The following CANX variants were observed in gnomAD, a reference collection of about 807,000 sequenced individuals.
The protein encoded by CANX is calnexin.
CANX carries 14 observed loss-of-function variants against 75.7 expected under a neutral mutation model. The observed-to-expected ratio is 0.19, with a 90% CI of 0.12 to 0.29. CANX has a LOEUF of 0.29. Among genes scored for constraint, CANX ranks in the 10% least tolerant of loss-of-function variants. The pLI is 1.00. For missense variants in CANX, 567 were observed against 713.2 expected (o/e 0.79, Z 2.34); for synonymous variants, 227 against 236.9 (o/e 0.96, Z 0.38).
In CANX at chr5:179,688,089, C is replaced by T. The variant is rs551507664; in HGVS notation, c.-4+9312C>T. Among the ~76,000 whole-genome samples, 38 of 147,836 alleles carry T rather than the reference C, an allele frequency of 2.6e-4. No homozygotes were observed. The South Asian group carries it at 4.5e-3, about 18-fold the overall frequency. ...TTTTTTTTTTTTTAAGATGGAGTGT[C>T]GCTCTGTTGCCAGGCTGGAGTGCAG... On this transcript the variant is annotated intron_variant, in intron 1 of 14. Coordinates refer to the CANX transcript ENST00000681674.
At chr5:179,681,117 G>C (rs1776053026) in intron 1 of CANX, 1 of 578,126 alleles carries the variant, frequency 1.7e-6, no homozygotes, top group Non-Finnish European at 3.2e-6. Context: ...AGGACAAGAA[G>C]GGGTGCTGAC....
upstream of CANX, among the ~76,000 whole-genome samples, chr5:179,696,559 A>G (rs1030941195): frequency 2.0e-5 from 3 of 152,168 alleles, no homozygotes; most frequent in African/African-American, 7.2e-5. Flanking sequence ...TACAGGCGTG[A>G]GCCACTGTGC....
intron 13 of CANX, among the ~76,000 whole-genome samples, chr5:179,726,168 A>G (rs867866859): frequency 6.6e-6 from 1 of 151,232 alleles, no homozygotes; most frequent in Non-Finnish European, 1.5e-5. Flanking sequence ...GGCACCTGTA[A>G]TCCCGGCTAC....
At chr5:179,707,962 G>A (rs1051554078) in intron 4 of CANX, among the ~76,000 whole-genome samples, 2 of 152,082 alleles carry the variant, frequency 1.3e-5, no homozygotes, top group Middle Eastern at 3.4e-3. Flanking sequence ...TCAGCCTACC[G>A]AGTAGTTGGG....
At chr5:179,679,202 G>A in intron 1 of CANX, 1 of 1,534,694 alleles carries the variant, frequency 6.5e-7, no homozygotes. Flanking sequence ...CTGGCGACTC[G>A]TGCTGCGCTC....
chr5:179,730,987 G>A lies in CANX; in HGVS notation c.*2343G>A, dbSNP rs983792658. 6.6e-6 allele frequency: 1 copy of A among 152,202 alleles called. No individual in the cohort carries two copies. The highest frequency in any genetic ancestry group is 2.4e-5 in the African/African-American group (1 of 41,460). 9.4% of individuals were successfully genotyped at this position (152,202 alleles called of 1,614,324 possible). A position where few individuals can be genotyped will look rare whatever the true frequency, so the allele number is the denominator to read the frequency against. On this transcript the variant is annotated 3_prime_UTR_variant, in exon 15 of 15. Coordinates refer to ENST00000247461, the MANE Select transcript of CANX (RefSeq NM_001746.4). ...GTGTGTGTGTGACTATGTTCAATTA[G>A]TGGGTTGATCTTCGTATAATTGGCC... is the stretch of plus-strand genomic sequence containing the variant.
chr5:179,709,703 G>C, intron 6 of CANX, 170 bp from the exon 7 acceptor site: 1 of 484,134 alleles, frequency 2.1e-6, no homozygotes, highest in Non-Finnish European at 3.6e-6. Flanking sequence ...TAAATTTACT[G>C]ATGATTGCTG....
chr5:179,679,275 A>AAG, intron 1 of CANX: 1 of 1,516,118 alleles, frequency 6.6e-7, no homozygotes, highest in African/African-American at 1.4e-5. Context: ...GCTGGGAGAC[A>AAG]AGAGTCCGGG....
At chr5:179,728,212 C>T (rs977758817) in intron 14 of CANX, among the ~76,000 whole-genome samples, 3 of 152,178 alleles carry the variant, frequency 2.0e-5, no homozygotes, top group Non-Finnish European at 4.4e-5. Context: ...AGTCAGTCTA[C>T]TTGGATAGCC....
Position 179,723,763 on chromosome 5 carries a change from TCTG to T in CANX, c.1506_1508del (p.Cys503del). 6.2e-7 allele frequency: 1 copy of T among 1,610,738 alleles called. No individual in the cohort carries two copies. Among genetic ancestry groups the T allele is most frequent in the Non-Finnish European group, 8.5e-7 (1 of 1,178,770 alleles). ...CTTCCTGTGTTCCTGGTTATCCTCT[TCTG>T]CTGTTCTGGAAAGGTAGGAAGTTTT... On this transcript the variant is annotated inframe_deletion, in exon 12 of 15. Coordinates refer to ENST00000247461, the MANE Select transcript of CANX (RefSeq NM_001746.4).
At chr5:179,689,387 T>TTTTTTG (rs1445638165) in intron 1 of CANX, among the ~76,000 whole-genome samples, 4 of 142,650 alleles carry the variant, frequency 2.8e-5, no homozygotes, top group African/African-American at 7.7e-5. Context: ...AAGTTTTTTT[T>TTTTTTG]TTTTTTTTTT....
At chr5:179,708,410 T>C (rs1366741994) in intron 5 of CANX, 30 bp downstream of exon 5, 13 of 1,599,770 alleles carry the variant, frequency 8.1e-6, no homozygotes, top group Non-Finnish European at 1.1e-5. Context: ...GATAAAAGCT[T>C]TCTGCAAAGG....
chr5:179,716,741 G>C (rs1289403083), intron 8 of CANX, among the ~76,000 whole-genome samples: 1 of 152,236 alleles, frequency 6.6e-6, no homozygotes, highest in Non-Finnish European at 1.5e-5. Context: ...CCTACACAGA[G>C]CTTGAAGTCC....
At chr5:179,694,786 C>CAAA (rs5873660), upstream of CANX, 3,503 of 387,844 alleles carry the variant, frequency 9.0e-3, no homozygotes, top group Non-Finnish European at 0.012. Flanking sequence ...GTTTATCTGT[C>CAAA]AAAAAAAAAA....
chr5:179,725,447 C>T lies in CANX; in HGVS notation c.1645+664C>T, dbSNP rs1024872507. On this transcript the variant is annotated intron_variant, in intron 13 of 14. Coordinates refer to ENST00000247461, the MANE Select transcript of CANX (RefSeq NM_001746.4). ...CTGTAATTCCAGCACTTTGGGGGGC[C>T]GAAGCAGGCAGATCACGAGGTCAGG... 7.3e-5 allele frequency among the ~76,000 whole-genome samples: 11 copies of T among 151,620 alleles called. No individual in the cohort carries two copies. In the South Asian group the frequency reaches 1.0e-3, roughly 14 times the overall value.
At chr5:179,683,315 A>T (rs1776116820) in intron 1 of CANX, among the ~76,000 whole-genome samples, 1 of 150,340 alleles carries the variant, frequency 6.7e-6, no homozygotes, top group South Asian at 2.1e-4. Context: ...TTTTTTTTTT[A>T]GTAGAGATGG....
intron 1 of CANX, among the ~76,000 whole-genome samples, chr5:179,683,739 C>T (rs1581813885): frequency 6.6e-6 from 1 of 151,724 alleles, no homozygotes; most frequent in Admixed American, 6.6e-5. Flanking sequence ...TCACCATATT[C>T]ACCAGGCTGG....
At chr5:179,718,909 C>T (rs182712084) in intron 8 of CANX, among the ~76,000 whole-genome samples, 1 of 152,098 alleles carries the variant, frequency 6.6e-6, no homozygotes, top group East Asian at 1.9e-4. Flanking sequence ...AGGTGATCCA[C>T]CCGCCTTGGC....
chr5:179,697,989 G>A (rs746896736), upstream of CANX, among the ~76,000 whole-genome samples: 2 of 152,084 alleles, frequency 1.3e-5, no homozygotes, highest in Non-Finnish European at 2.9e-5. Context: ...GTGGCAAGAG[G>A]GCTTTTCAGA....
Sources: allele counts gnomAD v4.1 joint callset (sites outside exome capture counted in the v4.1 genomes callset), GRCh38; gene constraint gnomAD v4.1.1; transcripts MANE v1.5; gene names NCBI Gene and HGNC (gene_info 2026-07-23, HGNC 2026-07-21).